MTHFD1L: variants seen among roughly 807,000 people sequenced by gnomAD.
MTHFD1L encodes the protein methylenetetrahydrofolate dehydrogenase (NADP+ dependent) 1 like.
Under a neutral mutation model 119.5 loss-of-function variants are expected in MTHFD1L, and 81 were observed. The ratio of observed to expected loss-of-function variants is 0.68; its 90% confidence interval spans 0.57 to 0.82. MTHFD1L has a LOEUF of 0.82. Ranked by LOEUF, MTHFD1L falls within the 40% of genes least tolerant of loss-of-function variation. The probability of loss-of-function intolerance (pLI) is 0.00; values close to 1 mark genes in which losing one functional copy is unlikely to be tolerated. For synonymous variants in MTHFD1L, 430 were observed against 475.2 expected, an observed-to-expected ratio of 0.90 and a Z score of 1.24; for missense variants, 1,125 against 1,253.4, an observed-to-expected ratio of 0.90 and a Z score of 1.55.
At chr6:150,966,576 A>T (rs1020401636) in intron 19 of MTHFD1L, among the ~76,000 whole-genome samples, 16 of 152,148 alleles carry the variant, frequency 1.1e-4, no homozygotes, top group African/African-American at 3.9e-4. Flanking sequence ...TAATCCCAGC[A>T]CTTTGGGAGG....
chr6:150,932,795 A>AAGGGAGG (rs1791299476), intron 11 of MTHFD1L, among the ~76,000 whole-genome samples: 5 of 140,484 alleles, frequency 3.6e-5, no homozygotes, highest in Non-Finnish European at 7.7e-5. Context: ...AGAAAGGAAG[A>AAGGGAGG]AAGGGAGGAA....
At chr6:151,004,008 T>TAA (rs397886081) in intron 20 of MTHFD1L, among the ~76,000 whole-genome samples, 210 of 126,040 alleles carry the variant, frequency 1.7e-3, no homozygotes, top group East Asian at 0.012. Context: ...TGCTTTTTTT[T>TAA]AAAAAAAAAA....
At chr6:150,922,564 T>A (rs9478858) in intron 10 of MTHFD1L, among the ~76,000 whole-genome samples, 13,540 of 151,904 alleles carry the variant, frequency 0.089, 871 homozygotes, top group African/African-American at 0.18. Context: ...GGCAGTTTTT[T>A]AATGATGTTT....
At chr6:151,030,970 C>T (rs1313566467) in intron 24 of MTHFD1L, among the ~76,000 whole-genome samples, 3 of 152,160 alleles carry the variant, frequency 2.0e-5, no homozygotes, top group African/African-American at 4.8e-5. Flanking sequence ...CACTTGAGGC[C>T]GGGAGTTTGA....
intron 20 of MTHFD1L, among the ~76,000 whole-genome samples, chr6:151,007,850 C>G (rs927204065): frequency 6.6e-6 from 1 of 152,080 alleles, no homozygotes; most frequent in South Asian, 2.1e-4. Context: ...AAGATTTGTC[C>G]CAAATACTAT....
chr6:151,044,371 G>A (rs9397374), intron 26 of MTHFD1L, among the ~76,000 whole-genome samples: 3 of 149,942 alleles, frequency 2.0e-5, no homozygotes, highest in African/African-American at 4.9e-5. Flanking sequence ...GCGCAATCTC[G>A]ACTCACTGCA....
rs145630215 is a variant in MTHFD1L, at chr6:151,007,740, C to T, written c.2126-2079C>T. ...CTTTTGGGGTCCATGATGCCACCAA[C>T]GGCTAAAGTTAACAAATGCATTACC... On this transcript the variant is annotated intron_variant, in intron 20 of 27. Transcript: ENST00000367321. Among the ~76,000 whole-genome samples the T allele has an allele frequency of 9.6e-4, 146 of 152,268 alleles. 1 individual carries two copies. Among genetic ancestry groups the T allele is most frequent in the African/African-American group, 3.3e-3 (137 of 41,546 alleles).
intron 7 of MTHFD1L, among the ~76,000 whole-genome samples, chr6:150,904,604 A>G (rs1378295438): frequency 2.6e-5 from 4 of 152,086 alleles, no homozygotes; most frequent in Non-Finnish European, 2.9e-5. Context: ...TAATATTCCT[A>G]TTCACCCCTC....
At chr6:150,866,128 G>T in intron 1 of MTHFD1L, 79 bp downstream of exon 1, 1 of 1,440,990 alleles carries the variant, frequency 6.9e-7, no homozygotes, top group Non-Finnish European at 9.1e-7. Flanking sequence ...CGGGACCGCC[G>T]TGGGGAGCGG....
At chr6:150,965,620 C>A (rs929390127) in intron 19 of MTHFD1L, among the ~76,000 whole-genome samples, 4 of 150,704 alleles carry the variant, frequency 2.7e-5, no homozygotes, top group Non-Finnish European at 2.9e-5. Flanking sequence ...GAGATCGCAC[C>A]ACCGCACTCC....
intron 13 of MTHFD1L, 23 bp from the exon 14 acceptor site, chr6:150,944,463 A>G (rs781578171): frequency 2.6e-6 from 4 of 1,550,458 alleles, no homozygotes; most frequent in Non-Finnish European, 2.7e-6. Context: ...ATAAATAAAT[A>G]GAAAGATATC....
chr6:150,977,898 A>AT (rs1390579837), intron 20 of MTHFD1L, among the ~76,000 whole-genome samples: 9 of 138,870 alleles, frequency 6.5e-5, no homozygotes, highest in African/African-American at 2.4e-4. Flanking sequence ...ATATATATAT[A>AT]CACCTTTTTT....
intron 7 of MTHFD1L, among the ~76,000 whole-genome samples, chr6:150,896,022 A>G (rs1456217433): frequency 6.6e-6 from 1 of 152,160 alleles, no homozygotes; most frequent in African/African-American, 2.4e-5. Context: ...CATCCTCCCC[A>G]CATTACAGAT....
chr6:150,885,942 G>A (rs11754661), intron 6 of MTHFD1L, among the ~76,000 whole-genome samples: 7,419 of 152,202 alleles, frequency 0.049, 213 homozygotes, highest in Non-Finnish European at 0.071. Context: ...GGGAGATACA[G>A]ATGAATACCT....
chr6:150,988,469 CAT>C (rs1778609124), intron 20 of MTHFD1L, among the ~76,000 whole-genome samples: 1 of 152,090 alleles, frequency 6.6e-6, no homozygotes, highest in Non-Finnish European at 1.5e-5. Context: ...ACAAAGAAAA[CAT>C]AACAGAATTT....
intron 9 of MTHFD1L, among the ~76,000 whole-genome samples, chr6:150,920,021 A>G (rs938198662): frequency 6.6e-6 from 1 of 152,160 alleles, no homozygotes. Context: ...CTCACTGGCC[A>G]TCAGCAGGAT....
At chr6:150,942,027 GGCGA>G (rs1194229255) in intron 13 of MTHFD1L, among the ~76,000 whole-genome samples, 3 of 152,202 alleles carry the variant, frequency 2.0e-5, no homozygotes, top group Non-Finnish European at 2.9e-5. Flanking sequence ...GGGAGGCTGA[GGCGA>G]GTGGATCACC....
At chr6:150,886,709 G>A (rs1782365896) in intron 6 of MTHFD1L, among the ~76,000 whole-genome samples, 1 of 151,710 alleles carries the variant, frequency 6.6e-6, no homozygotes, top group African/African-American at 2.4e-5. Context: ...AACTAATTGG[G>A]CCGGCACAGT....
At chr6:150,870,115 A>G (rs560891018) in intron 1 of MTHFD1L, among the ~76,000 whole-genome samples, 2 of 152,310 alleles carry the variant, frequency 1.3e-5, no homozygotes, top group African/African-American at 4.8e-5. Context: ...GGTGAAAATA[A>G]CAAAGCTGCT....
Sources: gnomAD v4.1 joint callset for allele counts (sites outside exome capture counted in the v4.1 genomes callset) on GRCh38, gnomAD v4.1.1 for gene constraint, MANE v1.5 for transcripts, NCBI Gene and HGNC (gene_info 2026-07-23, HGNC 2026-07-21) for gene names.